The following UMODL1 variants were observed in gnomAD, a reference collection of about 807,000 sequenced individuals.
The protein encoded by UMODL1 is uromodulin-like 1.
A neutral mutation model predicts 136.3 loss-of-function variants in UMODL1; 128 were observed. The ratio of observed to expected loss-of-function variants is 0.94; its 90% confidence interval spans 0.81 to 1.09. UMODL1 has a LOEUF of 1.09. Among genes scored for constraint, UMODL1 ranks in the 50% least tolerant of loss-of-function variants. The pLI, the probability that UMODL1 is intolerant of heterozygous loss-of-function variation, is 0.00. For missense variants in UMODL1, 1,766 were observed against 1,725.6 expected, an observed-to-expected ratio of 1.02 and a Z score of -0.41; for synonymous variants, 721 against 720.0, an observed-to-expected ratio of 1.00 and a Z score of -0.02.
At chr21:42,092,213 C>T (rs908410587) in intron 6 of UMODL1, among the ~76,000 whole-genome samples, 4 of 152,084 alleles carry the variant, frequency 2.6e-5, no homozygotes, top group Admixed American at 6.5e-5. Context: ...CGAGAATAGC[C>T]GAGAATCCTG....
In UMODL1 at chr21:42,085,547, T is replaced by C. The variant is rs1338798246; in HGVS notation, c.603+135T>C. On this transcript the variant is annotated intron_variant, in intron 4 of 22. Transcript: ENST00000408910. This position sits in a 1 kb window ranked among gnomAD's most constrained non-coding sequence, Gnocchi z 4.5. The stretch of plus-strand genomic sequence containing the variant: ...CCAAATGGCCCCAAATGACTGACTC[T>C]GAACGAAATTCTAGTTCTTAAAAAA... 4 of 1,351,460 alleles carry C rather than the reference T, an allele frequency of 3.0e-6. No individual in the cohort carries two copies. The highest frequency in any genetic ancestry group is 4.1e-6 in the Non-Finnish European group (4 of 982,910). 83.7% of individuals were successfully genotyped at this position (1,351,460 alleles called of 1,614,324 possible).
intron 2 of UMODL1, among the ~76,000 whole-genome samples, chr21:42,078,834 C>T (rs1231603325): frequency 1.3e-5 from 2 of 152,248 alleles, no homozygotes; most frequent in East Asian, 3.8e-4. Context: ...ATGCCTTGGC[C>T]ATGCTGCTCA....
intron 21 of UMODL1, among the ~76,000 whole-genome samples, chr21:42,134,718 G>A (rs1036466031): frequency 2.7e-5 from 4 of 147,500 alleles, no homozygotes; most frequent in African/African-American, 9.8e-5. Context: ...GGGTTCAAGT[G>A]ATTCTCCTGC....
chr21:42,131,838 T>C (rs781715587), intron 21 of UMODL1, among the ~76,000 whole-genome samples: 5 of 152,246 alleles, frequency 3.3e-5, no homozygotes, highest in Non-Finnish European at 7.3e-5. Context: ...AACCTGCTTC[T>C]CCTCACTCTT....
chr21:42,069,269 A>ACACACACACACACACACAC (rs1171449440), upstream of UMODL1, among the ~76,000 whole-genome samples: 4 of 46,644 alleles, frequency 8.6e-5, no homozygotes, highest in African/African-American at 1.7e-4. Flanking sequence ...CACACACACA[A>ACACACACACACACACACAC]ACAGCAGGGG....
intron 2 of UMODL1, among the ~76,000 whole-genome samples, chr21:42,079,333 G>T (rs8132555): frequency 6.6e-6 from 1 of 152,276 alleles, no homozygotes; most frequent in East Asian, 1.9e-4. Flanking sequence ...TCCAGGAAGC[G>T]CCTCTTGTTG....
At chr21:42,130,812 T>C (rs1001130394) in intron 21 of UMODL1, among the ~76,000 whole-genome samples, 35 of 146,504 alleles carry the variant, frequency 2.4e-4, no homozygotes, top group Admixed American at 4.0e-4. Context: ...ACCTCCACTT[T>C]TTTTTTTTTT....
In UMODL1 at chr21:42,071,878, T is replaced by C. The variant is rs1338836805; in HGVS notation, c.76+486T>C. ...CTGGGCAACATCATGAGACCCCATG[T>C]GTACCAAAAAAAAAAAAAAATTAGC... On this transcript the variant is annotated intron_variant, in intron 1 of 22. Coordinates refer to ENST00000408910, the MANE Select transcript of UMODL1 (RefSeq NM_001004416.3). Among the ~76,000 whole-genome samples, 3 of 111,082 alleles carry C rather than the reference T, an allele frequency of 2.7e-5. No individual in the cohort carries two copies. The South Asian group carries it at 8.7e-4, about 32-fold the overall frequency. 72.9% of individuals were successfully genotyped at this position (111,082 alleles called of 152,430 possible). A position where few individuals can be genotyped will look rare whatever the true frequency, so the allele number is the denominator to read the frequency against.
intron 2 of UMODL1, among the ~76,000 whole-genome samples, chr21:42,077,002 G>GTGTGTGTGT (rs2066299801): frequency 1.8e-5 from 2 of 113,170 alleles, no homozygotes; most frequent in African/African-American, 6.2e-5. Flanking sequence ...CCAGGGGAGG[G>GTGTGTGTGT]GTGTGTGTGT....
At chr21:42,072,336 A>T (rs1046262061) in intron 1 of UMODL1, among the ~76,000 whole-genome samples, 6 of 152,240 alleles carry the variant, frequency 3.9e-5, no homozygotes, top group African/African-American at 1.2e-4. Context: ...ACAAATTTAA[A>T]GGAATCCATT....
intron 14 of UMODL1, among the ~76,000 whole-genome samples, chr21:42,118,258 A>G (rs1251600850): frequency 2.0e-5 from 3 of 152,238 alleles, no homozygotes; most frequent in Non-Finnish European, 2.9e-5. Flanking sequence ...TGAGCCAACC[A>G]AGGGCAGCTG....
At chr21:42,069,269 A>ACACACACACACACACAG, upstream of UMODL1, among the ~76,000 whole-genome samples, 1 of 46,614 alleles carries the variant, frequency 2.1e-5, no homozygotes, top group African/African-American at 5.8e-5. Context: ...CACACACACA[A>ACACACACACACACACAG]ACAGCAGGGG....
intron 1 of UMODL1, among the ~76,000 whole-genome samples, chr21:42,064,308 C>T (rs532918188): frequency 2.6e-5 from 4 of 152,332 alleles, no homozygotes; most frequent in East Asian, 3.9e-4. Flanking sequence ...CCCCTTCCCC[C>T]GAGGAGGAGA....
rs767072875 is a variant in UMODL1, at chr21:42,137,587, C to A, written c.3924C>A (p.Ser1308=). The A allele has an allele frequency of 2.5e-6, 4 of 1,614,090 alleles. No individual in the cohort carries two copies. The highest frequency in any genetic ancestry group is 2.5e-6 in the Non-Finnish European group (3 of 1,180,016). Residue 1308 remains serine, a synonymous_variant, in exon 22 of 23, where the codon TCC becomes TCA. Coordinates refer to ENST00000408910, the MANE Select transcript of UMODL1 (RefSeq NM_001004416.3). The part of the protein sequence containing the change: ...MNGRYNFKIQ[S]NNFSYQVFYE ...GGAGATACAACTTTAAAATCCAGTC[C>A]AACAACTTCAGCTACCAGGTGTTCT... is the stretch of plus-strand genomic sequence containing the variant.
Position 42,122,500 on chromosome 21 carries a change from GC to G in UMODL1, c.2828-329del, listed in dbSNP as rs1432798628. On this transcript the variant is annotated intron_variant, in intron 16 of 22. Transcript: ENST00000408910. This position sits in a 1 kb window ranked among gnomAD's most constrained non-coding sequence, Gnocchi z 4.3. ...CTTGGCCCTCGGGGGCCCATGGTGA[GC>G]CTGGATCCCTGAGCTGGTGGAAATG... Among the ~76,000 whole-genome samples the G allele has an allele frequency of 6.6e-5, 10 of 152,334 alleles. No homozygotes were observed. The highest frequency in any genetic ancestry group is 1.0e-4 in the Non-Finnish European group (7 of 68,026).
Position 42,097,972 on chromosome 21 carries a change from A to AT in UMODL1, c.932-953dup, listed in dbSNP as rs149372834. On this transcript the variant is annotated intron_variant, in intron 6 of 22. Transcript: ENST00000408910. ...CCTGATTTCTGAGTCCGGCTTCCTG[A>AT]TGAGGCCATTGTTTATGGAGTGATG... Among the ~76,000 whole-genome samples, 485 of 152,332 alleles carry AT rather than the reference A, an allele frequency of 3.2e-3. 4 individuals are homozygous for AT. Among genetic ancestry groups the AT allele is most frequent in the African/African-American group, 0.011 (463 of 41,578 alleles).
chr21:42,091,401 G>C (rs1043775976), intron 6 of UMODL1, among the ~76,000 whole-genome samples: 12 of 152,210 alleles, frequency 7.9e-5, no homozygotes, highest in Admixed American at 2.6e-4. Context: ...TGTCCCTGTT[G>C]GGAGTGGGGA....
chr21:42,085,290 G>C lies in UMODL1; in HGVS notation c.482-1G>C. 6.2e-7 allele frequency: 1 copy of C among 1,613,792 alleles called. No individual in the cohort carries two copies. ...AATCATCAGTGTTTTCCCTTGTGTA[G>C]CTCCAGAGAGGGACCCTGTGGGCTC... On this transcript the variant is annotated splice_acceptor_variant, in intron 3 of 22. Transcript: ENST00000408910. LOFTEE classifies it high-confidence loss of function. This position sits in a 1 kb window ranked among gnomAD's most constrained non-coding sequence, Gnocchi z 4.5.
upstream of UMODL1, among the ~76,000 whole-genome samples, chr21:42,069,408 A>C (rs377470357): frequency 2.5e-4 from 38 of 152,292 alleles, no homozygotes; most frequent in East Asian, 6.7e-3. Context: ...ATGACATTTT[A>C]TGGATGATTA....
Sources: allele counts gnomAD v4.1 joint callset (sites outside exome capture counted in the v4.1 genomes callset), GRCh38; gene constraint gnomAD v4.1.1; non-coding constraint Gnocchi (gnomAD v3.1); transcripts MANE v1.5; gene names NCBI Gene and HGNC (gene_info 2026-07-23, HGNC 2026-07-21).